FAT3: variants seen among roughly 807,000 people sequenced by gnomAD.
FAT3 encodes protocadherin Fat 3.
A neutral mutation model predicts 310.2 loss-of-function variants in FAT3; 95 were observed. That is an observed-to-expected ratio of 0.31 (90% CI 0.26 to 0.36). FAT3 has a LOEUF of 0.36. Among genes scored for constraint, FAT3 ranks in the 10% least tolerant of loss-of-function variants. The pLI is 1.00. For missense variants in FAT3, 5,408 were observed against 5,715.6 expected (o/e 0.95, Z 1.74); for synonymous variants, 2,314 against 2,192.9 (o/e 1.06, Z -1.54).
chr11:92,583,637 C>T (rs188590263), intron 3 of FAT3, among the ~76,000 whole-genome samples: 8 of 151,894 alleles, frequency 5.3e-5, no homozygotes, highest in Non-Finnish European at 7.4e-5. Context: ...GAAAGTTTCC[C>T]GCTTTACCCA....
chr11:92,799,316 T>G lies in FAT3; in HGVS notation c.6303T>G (p.Thr2101=). The G allele has an allele frequency of 6.2e-7, 1 of 1,613,890 alleles. No individual in the cohort carries two copies. Among genetic ancestry groups the G allele is most frequent in the Non-Finnish European group, 8.5e-7 (1 of 1,179,856 alleles). Residue 2101 remains threonine, a synonymous_variant, in exon 10 of 28, where the codon ACT becomes ACG. Coordinates refer to ENST00000525166, the MANE Select transcript of FAT3 (RefSeq NM_001367949.2). Reference sequence around the variant, plus strand: ...TTCAAGTGGATGCGGAACCCGGGACTCTGATTTATCAGGTGACAGCCATTG... The same window carrying G: ...TTCAAGTGGATGCGGAACCCGGGACGCTGATTTATCAGGTGACAGCCATTG... ...AAVQVDAEPG[T]LIYQVTAIDK... is the part of the protein sequence containing the mutation.
chr11:92,398,568 C>T (rs1007456779), intron 2 of FAT3, among the ~76,000 whole-genome samples: 1 of 151,052 alleles, frequency 6.6e-6, no homozygotes, highest in African/African-American at 2.4e-5. Flanking sequence ...TTGGAGCCCA[C>T]CCTATTAATT....
chr11:92,329,524 T>C (rs1004160422), intron 1 of FAT3, among the ~76,000 whole-genome samples: 1 of 151,752 alleles, frequency 6.6e-6, no homozygotes. Context: ...AATAAACTTC[T>C]TTCCTTTATA....
chr11:92,495,447 C>T (rs968859535), intron 2 of FAT3, among the ~76,000 whole-genome samples: 4 of 151,992 alleles, frequency 2.6e-5, no homozygotes, highest in African/African-American at 9.7e-5. Context: ...TGGCTCAAAA[C>T]AATTGAAGAT....
intron 2 of FAT3, among the ~76,000 whole-genome samples, chr11:92,512,323 T>C (rs754076355): frequency 2.0e-5 from 3 of 151,536 alleles, no homozygotes; most frequent in Non-Finnish European, 2.9e-5. Flanking sequence ...TTCTCTAAAA[T>C]AGAATGGGTG....
chr11:92,425,389 A>AT (rs920466773), intron 2 of FAT3, among the ~76,000 whole-genome samples: 21 of 151,622 alleles, frequency 1.4e-4, no homozygotes, highest in Admixed American at 7.9e-4. Flanking sequence ...CCTTTTTCTT[A>AT]TTTTTTTTAA....
intron 4 of FAT3, among the ~76,000 whole-genome samples, chr11:92,737,880 C>T (rs903306745): frequency 1.3e-5 from 2 of 152,010 alleles, no homozygotes; most frequent in African/African-American, 2.4e-5. Context: ...TCCCTGCCAT[C>T]CTTGGAATCA....
intron 2 of FAT3, among the ~76,000 whole-genome samples, chr11:92,489,040 G>A (rs1415049204): frequency 6.6e-6 from 1 of 152,122 alleles, no homozygotes; most frequent in Non-Finnish European, 1.5e-5. Flanking sequence ...ATAGTACTAT[G>A]CCTGGTGAGT....
At chr11:92,233,393 T>C (rs1054299497) in intron 1 of FAT3, among the ~76,000 whole-genome samples, 2 of 152,174 alleles carry the variant, frequency 1.3e-5, no homozygotes, top group East Asian at 1.9e-4. Flanking sequence ...CATTACATCG[T>C]TGGTCGTTTT....
intron 2 of FAT3, among the ~76,000 whole-genome samples, chr11:92,474,254 G>T (rs1237162816): frequency 6.6e-6 from 1 of 152,238 alleles, no homozygotes; most frequent in Middle Eastern, 3.4e-3. Flanking sequence ...AATGAAGAGT[G>T]GTTGTGCCAA....
chr11:92,575,903 A>G (rs989232069), intron 3 of FAT3, among the ~76,000 whole-genome samples: 5 of 152,168 alleles, frequency 3.3e-5, no homozygotes, highest in Admixed American at 6.6e-5. Context: ...AAGGTTATTT[A>G]AAAGTATCAG....
chr11:92,641,192 C>T (rs1216567570), intron 3 of FAT3, among the ~76,000 whole-genome samples: 1 of 152,142 alleles, frequency 6.6e-6, no homozygotes, highest in East Asian at 1.9e-4. Flanking sequence ...GAGACCCTGT[C>T]CCCTACCACA....
chr11:92,306,575 T>A (rs557161655), intron 1 of FAT3, among the ~76,000 whole-genome samples: 8 of 125,160 alleles, frequency 6.4e-5, no homozygotes, highest in Admixed American at 9.7e-5. Flanking sequence ...TATTATATAT[T>A]ATATATATTT....
At chr11:92,240,372 T>C (rs527375592) in intron 1 of FAT3, among the ~76,000 whole-genome samples, 2 of 152,194 alleles carry the variant, frequency 1.3e-5, no homozygotes, top group East Asian at 1.9e-4. Flanking sequence ...TTTCAGTTTG[T>C]AACTGCTTGT....
At chr11:92,702,671 A>T (rs1944138151) in intron 4 of FAT3, among the ~76,000 whole-genome samples, 1 of 152,122 alleles carries the variant, frequency 6.6e-6, no homozygotes, top group Admixed American at 6.5e-5. Context: ...TAGCACTTCG[A>T]TTATTCTTGA....
intron 4 of FAT3, among the ~76,000 whole-genome samples, chr11:92,758,709 A>T (rs1292189007): frequency 6.6e-6 from 1 of 152,230 alleles, no homozygotes; most frequent in African/African-American, 2.4e-5. Context: ...GGAGGCCAGG[A>T]GGCTACTGTG....
chr11:92,245,596 A>G (rs935896264), intron 1 of FAT3, among the ~76,000 whole-genome samples: 1 of 152,158 alleles, frequency 6.6e-6, no homozygotes, highest in African/African-American at 2.4e-5. Context: ...GGATTGTCCA[A>G]CATTTTCTAT....
intron 2 of FAT3, among the ~76,000 whole-genome samples, chr11:92,501,491 T>A (rs902256962): frequency 6.6e-6 from 1 of 151,914 alleles, no homozygotes. Flanking sequence ...CAATACAGAG[T>A]CAGAGACCTA....
intron 2 of FAT3, among the ~76,000 whole-genome samples, chr11:92,512,526 T>C (rs867674213): frequency 1.2e-4 from 18 of 147,300 alleles, no homozygotes; most frequent in Middle Eastern, 7.2e-3. Flanking sequence ...TATAAATATA[T>C]ATAAATTATA....
Sources: allele counts gnomAD v4.1 joint callset (sites outside exome capture counted in the v4.1 genomes callset), GRCh38; gene constraint gnomAD v4.1.1; transcripts MANE v1.5; gene names NCBI Gene and HGNC (gene_info 2026-07-23, HGNC 2026-07-21).